TRPM3: variants seen among roughly 807,000 people sequenced by gnomAD.
TRPM3 encodes the protein transient receptor potential cation channel subfamily M member 3.
TRPM3 carries 77 observed loss-of-function variants against 181.2 expected under a neutral mutation model. The ratio of observed to expected loss-of-function variants is 0.42; its 90% confidence interval spans 0.35 to 0.51. TRPM3 has a LOEUF of 0.51. Among genes scored for constraint, TRPM3 ranks in the 20% least tolerant of loss-of-function variants. The pLI is 0.01. For missense variants in TRPM3, 1,759 were observed against 2,196.7 expected (o/e 0.80, Z 3.98); for synonymous variants, 745 against 796.4 (o/e 0.94, Z 1.09).
chr9:70,667,552 C>T (rs1024931606), intron 9 of TRPM3, among the ~76,000 whole-genome samples: 6 of 152,270 alleles, frequency 3.9e-5, no homozygotes, highest in African/African-American at 1.4e-4. Flanking sequence ...GTTTTACTCT[C>T]ACTAGAGAAT....
chr9:71,070,728 T>C (rs1188717953), intron 1 of TRPM3, among the ~76,000 whole-genome samples: 1 of 152,210 alleles, frequency 6.6e-6, no homozygotes, highest in Non-Finnish European at 1.5e-5. Flanking sequence ...AGTGTGGTGA[T>C]TATGTTTGTA....
chr9:71,129,256 G>T (rs2134446655), intron 1 of TRPM3, among the ~76,000 whole-genome samples: 1 of 152,208 alleles, frequency 6.6e-6, no homozygotes. Context: ...GAGAGACAAT[G>T]GTCCAGTTTT....
intron 1 of TRPM3, among the ~76,000 whole-genome samples, chr9:70,936,930 A>T (rs1268926458): frequency 6.6e-6 from 1 of 152,150 alleles, no homozygotes; most frequent in Admixed American, 6.5e-5. Context: ...ACCATACAAA[A>T]AACACACAGC....
intron 1 of TRPM3, chr9:71,446,551 T>C (rs1354580467): frequency 1.6e-6 from 2 of 1,233,416 alleles, no homozygotes; most frequent in Non-Finnish European, 2.2e-6. Flanking sequence ...GTTCCCTGGC[T>C]CTCACCCTTA....
intron 1 of TRPM3, among the ~76,000 whole-genome samples, chr9:71,080,638 A>T (rs1476790802): frequency 5.3e-5 from 8 of 151,814 alleles, no homozygotes; most frequent in Non-Finnish European, 1.2e-4. Flanking sequence ...GTCATCCCCA[A>T]CTCCAACTCT....
intron 1 of TRPM3, among the ~76,000 whole-genome samples, chr9:71,444,214 C>T (rs1426696624): frequency 6.6e-6 from 1 of 151,768 alleles, no homozygotes; most frequent in Non-Finnish European, 1.5e-5. Context: ...AATCATTCCC[C>T]TTGAGGACAG....
intron 1 of TRPM3, among the ~76,000 whole-genome samples, chr9:71,181,994 C>G (rs1209413582): frequency 6.6e-6 from 1 of 152,102 alleles, no homozygotes; most frequent in Non-Finnish European, 1.5e-5. Flanking sequence ...CTCCATGGGT[C>G]ATTGTTAGGC....
At chr9:70,823,656 CAGTT>C (rs1410158466) in intron 6 of TRPM3, among the ~76,000 whole-genome samples, 3 of 150,738 alleles carry the variant, frequency 2.0e-5, no homozygotes, top group Non-Finnish European at 4.4e-5. Context: ...GGCCATCACA[CAGTT>C]AGTCATTTTC....
chr9:71,270,352 AAAAC>A (rs1315253770), intron 1 of TRPM3, among the ~76,000 whole-genome samples: 1 of 152,202 alleles, frequency 6.6e-6, no homozygotes, highest in Admixed American at 6.5e-5. Context: ...CTCCATCTCA[AAAAC>A]AAACAAACAA....
At chr9:71,000,192 G>C (rs544281730) in intron 1 of TRPM3, among the ~76,000 whole-genome samples, 1 of 152,172 alleles carries the variant, frequency 6.6e-6, no homozygotes, top group Non-Finnish European at 1.5e-5. Flanking sequence ...GTTCAAAGCA[G>C]TGAATTCAAG....
chr9:70,549,412 C>T (rs2045911122), intron 25 of TRPM3, 130 bp downstream of exon 25: 1 of 1,224,842 alleles, frequency 8.2e-7, no homozygotes, highest in Non-Finnish European at 1.1e-6. Context: ...CTCTCATAAG[C>T]TCCATGATTT....
chr9:70,649,400 G>C (rs1188145561), intron 9 of TRPM3, among the ~76,000 whole-genome samples: 1 of 152,106 alleles, frequency 6.6e-6, no homozygotes, highest in Non-Finnish European at 1.5e-5. Flanking sequence ...TGTTGGCCGA[G>C]TTGGTCTCGA....
chr9:70,969,756 TTA>T lies in TRPM3; in HGVS notation c.178-105247_178-105246del, dbSNP rs78938143. Among the ~76,000 whole-genome samples the T allele has an allele frequency of 6.5e-3, 824 of 126,558 alleles. 14 individuals carry two copies. The highest frequency in any genetic ancestry group is 0.018 in the African/African-American group (627 of 35,776). The allele number at this position is 126,558 out of a possible 152,430, so 83.0% of individuals were successfully genotyped here. Reference sequence around the variant, plus strand: ...GGATTGTTGTGAAGACTGAATGATTTTATATATATATATATATATATATACAC... The same window carrying T: ...GGATTGTTGTGAAGACTGAATGATTTTATATATATATATATATATATACAC... On this transcript the variant is annotated intron_variant, in intron 1 of 25. Transcript: ENST00000677713.
chr9:71,070,968 C>A (rs2062687099), intron 1 of TRPM3, among the ~76,000 whole-genome samples: 1 of 152,102 alleles, frequency 6.6e-6, no homozygotes, highest in African/African-American at 2.4e-5. Context: ...TAGTGAGTCT[C>A]TAGAGAAAAA....
At chr9:70,742,204 CA>C (rs1169274473) in intron 8 of TRPM3, among the ~76,000 whole-genome samples, 2 of 151,992 alleles carry the variant, frequency 1.3e-5, no homozygotes, top group East Asian at 3.9e-4. Flanking sequence ...CAATTATATA[CA>C]AATTAGTATA....
chr9:71,060,765 ATGTATTC>A (rs1175711636), intron 1 of TRPM3, among the ~76,000 whole-genome samples: 1 of 152,100 alleles, frequency 6.6e-6, no homozygotes, highest in Non-Finnish European at 1.5e-5. Flanking sequence ...AAAGCATTGA[ATGTATTC>A]TTTCATTAAA....
intron 1 of TRPM3, among the ~76,000 whole-genome samples, chr9:70,920,564 G>A (rs184374757): frequency 1.5e-3 from 227 of 151,970 alleles, no homozygotes; most frequent in Admixed American, 5.6e-3. Context: ...CTCCCAAAAC[G>A]ACATACTCAT....
chr9:71,220,605 C>T (rs1013799798), intron 1 of TRPM3, among the ~76,000 whole-genome samples: 4 of 152,114 alleles, frequency 2.6e-5, no homozygotes, highest in Non-Finnish European at 4.4e-5. Context: ...TGTAAATCTT[C>T]GTCTCAGATA....
intron 18 of TRPM3, among the ~76,000 whole-genome samples, 182 bp from the exon 19 acceptor site, chr9:70,610,931 CT>C (rs2061908795): frequency 6.6e-6 from 1 of 152,170 alleles, no homozygotes; most frequent in Admixed American, 6.5e-5. Context: ...TGTGAATACC[CT>C]TTGCCTGAGA....
Sources: gnomAD v4.1 joint callset for allele counts (sites outside exome capture counted in the v4.1 genomes callset) on GRCh38, gnomAD v4.1.1 for gene constraint, MANE v1.5 for transcripts, NCBI Gene and HGNC (gene_info 2026-07-23, HGNC 2026-07-21) for gene names.